Variants in MBD5 observed in about 807,000 individuals in gnomAD.
The protein encoded by MBD5 is methyl-CpG-binding domain protein 5.
A neutral mutation model predicts 117.3 loss-of-function variants in MBD5; 13 were observed. That is an observed-to-expected ratio of 0.11 (90% CI 0.07 to 0.18). The LOEUF is 0.18. Among genes scored for constraint, MBD5 ranks in the 10% least tolerant of loss-of-function variants. The pLI is 1.00. For missense variants in MBD5, 1,879 were observed against 2,093.8 expected (o/e 0.90, Z 2.00); for synonymous variants, 727 against 766.4 (o/e 0.95, Z 0.85).
intron 4 of MBD5, among the ~76,000 whole-genome samples, chr2:148,367,317 A>T (rs1703730009): frequency 6.6e-6 from 1 of 152,210 alleles, no homozygotes; most frequent in African/African-American, 2.4e-5. Context: ...ACCTTATACA[A>T]AAATGAACTC....
At chr2:148,167,816 A>G (rs183162682) in intron 1 of MBD5, among the ~76,000 whole-genome samples, 1 of 152,000 alleles carries the variant, frequency 6.6e-6, no homozygotes, top group African/African-American at 2.4e-5. Context: ...ATCTTTTGCT[A>G]TTTTTTATTT....
At chr2:148,463,617 C>T in intron 6 of MBD5, 122 bp from the exon 7 acceptor site, 1 of 1,235,506 alleles carries the variant, frequency 8.1e-7, no homozygotes, top group Non-Finnish European at 1.2e-6. Context: ...TTCTTAAAAA[C>T]TTGAGAAAGT....
intron 4 of MBD5, among the ~76,000 whole-genome samples, chr2:148,451,547 A>C (rs981709034): frequency 6.6e-6 from 1 of 152,166 alleles, no homozygotes; most frequent in Non-Finnish European, 1.5e-5. Flanking sequence ...TTACTCTAAC[A>C]AGCATAATTC....
At position 148,483,995 on chromosome 2, in the gene MBD5, G is replaced by T. The variant is rs1216652974; in HGVS notation, c.3404G>T (p.Gly1135Val). The change falls in exon 9 of 14, where the codon GGT becomes GTT. Residue 1135 changes from glycine to valine, a missense_variant. By Grantham distance (109) the Gly-to-Val change is moderately radical. Around this residue, in one of 4 missense-constraint regions of MBD5, gnomAD observed 1,666 missense variants for 1,792.2 expected, o/e 0.93. Coordinates refer to ENST00000642680, the MANE Select transcript of MBD5 (RefSeq NM_001378120.1). ...GCAGCACTGACTGTCTCAACACTTG[G>T]TGGGACAGCAGTGGTGTCAATGGCA... ...AVAALTVSTL[G>V]GTAVVSMAET... 6.4e-7 allele frequency: 1 copy of T among 1,550,466 alleles called. No homozygotes were observed. The highest frequency in any genetic ancestry group is 8.7e-7 in the Non-Finnish European group (1 of 1,146,928).
At chr2:148,167,488 C>T (rs1698155223) in intron 1 of MBD5, among the ~76,000 whole-genome samples, 1 of 152,034 alleles carries the variant, frequency 6.6e-6, no homozygotes, top group African/African-American at 2.4e-5. Flanking sequence ...TTTGCTACTA[C>T]CATGTAAATA....
chr2:148,160,915 A>T (rs187812726), intron 1 of MBD5, among the ~76,000 whole-genome samples: 2 of 152,294 alleles, frequency 1.3e-5, no homozygotes, highest in African/African-American at 4.8e-5. Context: ...TAAAACACCC[A>T]AGAGTACCTA....
At chr2:148,073,647 A>G (rs1166214937) in intron 1 of MBD5, among the ~76,000 whole-genome samples, 2 of 152,216 alleles carry the variant, frequency 1.3e-5, no homozygotes, top group East Asian at 3.8e-4. Context: ...TGTGCTAGAC[A>G]CTATTCTAGG....
At chr2:148,345,618 CGTATACACATACATATGT>C (rs1559033474) in intron 4 of MBD5, among the ~76,000 whole-genome samples, 2 of 83,948 alleles carry the variant, frequency 2.4e-5, no homozygotes, top group Non-Finnish European at 5.2e-5. Flanking sequence ...TGTATATACA[CGTATACACATACATATGT>C]ATATACACGT....
chr2:148,091,546 A>T (rs562929225), intron 1 of MBD5, among the ~76,000 whole-genome samples: 2 of 152,322 alleles, frequency 1.3e-5, no homozygotes, highest in South Asian at 2.1e-4. Context: ...AAACAGAAAC[A>T]TAAAGTGGAG....
intron 1 of MBD5, among the ~76,000 whole-genome samples, chr2:148,023,681 A>G (rs1357440768): frequency 6.6e-6 from 1 of 152,174 alleles, no homozygotes; most frequent in Non-Finnish European, 1.5e-5. Context: ...TAAGGGAATT[A>G]TGTAGATAAT....
chr2:148,259,802 C>T (rs933534952), intron 3 of MBD5, among the ~76,000 whole-genome samples: 1 of 152,196 alleles, frequency 6.6e-6, no homozygotes, highest in Non-Finnish European at 1.5e-5. Flanking sequence ...TGTGCACCTG[C>T]ACCACAAACC....
intron 4 of MBD5, among the ~76,000 whole-genome samples, chr2:148,376,348 A>C (rs1204125865): frequency 1.3e-5 from 2 of 149,900 alleles, no homozygotes; most frequent in Non-Finnish European, 1.5e-5. Flanking sequence ...GCTCACTGCA[A>C]GTTCCGCCTC....
intron 4 of MBD5, among the ~76,000 whole-genome samples, chr2:148,433,361 G>C: frequency 6.6e-6 from 1 of 152,022 alleles, no homozygotes; most frequent in East Asian, 1.9e-4. Flanking sequence ...TTTACTGATT[G>C]CCCTGGCCAG....
At chr2:148,383,973 A>C (rs1188342219) in intron 4 of MBD5, among the ~76,000 whole-genome samples, 1 of 152,216 alleles carries the variant, frequency 6.6e-6, no homozygotes, top group African/African-American at 2.4e-5. Context: ...AAATAATGAG[A>C]GTTATCTATG....
chr2:148,416,582 G>A (rs911755505), intron 4 of MBD5, among the ~76,000 whole-genome samples: 5 of 152,102 alleles, frequency 3.3e-5, no homozygotes, highest in African/African-American at 1.2e-4. Context: ...CTAGTCTTTT[G>A]TATTAGGACA....
chr2:148,189,221 G>C (rs1283908695), intron 2 of MBD5, among the ~76,000 whole-genome samples: 4 of 148,114 alleles, frequency 2.7e-5, no homozygotes, highest in African/African-American at 1.0e-4. Flanking sequence ...GGTAAACAAA[G>C]CAGCCGGGAA....
chr2:148,155,924 AT>A (rs1697861668), intron 1 of MBD5, among the ~76,000 whole-genome samples: 1 of 152,202 alleles, frequency 6.6e-6, no homozygotes, highest in Admixed American at 6.5e-5. Context: ...TCCTGTTACT[AT>A]CTGAAAGATA....
chr2:148,496,350 C>T (rs896115177), intron 11 of MBD5, among the ~76,000 whole-genome samples: 5 of 151,994 alleles, frequency 3.3e-5, no homozygotes, highest in Admixed American at 6.6e-5. Context: ...CTAGCAAAGA[C>T]CAAAAATGTG....
At chr2:148,346,808 A>G (rs1339545488) in intron 4 of MBD5, 1 of 151,662 alleles carries the variant, frequency 6.6e-6, no homozygotes, top group Non-Finnish European at 1.5e-5. Context: ...TAATGCTATC[A>G]TTTTTATGAG....
Sources: gnomAD v4.1 joint callset for allele counts (sites outside exome capture counted in the v4.1 genomes callset) on GRCh38, gnomAD v4.1.1 for gene constraint, gnomAD v4.1.1 regional missense constraint, MANE v1.5 for transcripts, NCBI Gene and HGNC (gene_info 2026-07-23, HGNC 2026-07-21) for gene names.